RNF43: variants seen among roughly 807,000 people sequenced by gnomAD.
The protein encoded by RNF43 is E3 ubiquitin-protein ligase RNF43.
A neutral mutation model predicts 78.4 loss-of-function variants in RNF43; 37 were observed. The observed-to-expected ratio is 0.47, with a 90% CI of 0.36 to 0.62. RNF43 has a LOEUF of 0.62. RNF43 is among the 20% of genes least tolerant of loss of function. The probability of loss-of-function intolerance (pLI) is 0.00; values close to 1 mark genes in which losing one functional copy is unlikely to be tolerated. For synonymous variants in RNF43, 347 were observed against 395.0 expected, an observed-to-expected ratio of 0.88 and a Z score of 1.44; for missense variants, 774 against 1,007.9, an observed-to-expected ratio of 0.77 and a Z score of 3.14.
At chr17:58,361,062 C>A in intron 6 of RNF43, 118 bp from the exon 7 acceptor site, 1 of 1,078,248 alleles carries the variant, frequency 9.3e-7, no homozygotes. Flanking sequence ...GTTGAACATC[C>A]TTAGGAGTTC....
intron 9 of RNF43, among the ~76,000 whole-genome samples, chr17:58,356,516 T>C (rs934869992): frequency 1.5e-4 from 23 of 152,202 alleles, no homozygotes; most frequent in African/African-American, 5.1e-4. Context: ...GCTTATGATA[T>C]AGGGATGCAC....
chr17:58,357,300 A>G lies in RNF43; in HGVS notation c.2308+168T>C, dbSNP rs1169413753. The G allele has an allele frequency of 3.4e-6, 3 of 880,174 alleles. No homozygotes were observed. The highest frequency in any genetic ancestry group is 2.8e-5 in the South Asian group (2 of 71,648). 54.5% of individuals were successfully genotyped at this position (880,174 alleles called of 1,614,324 possible). A position where few individuals can be genotyped will look rare whatever the true frequency, so the allele number is the denominator to read the frequency against. On this transcript the variant is annotated intron_variant, in intron 9 of 9. Transcript: ENST00000407977. This position sits in a 1 kb window ranked among gnomAD's most constrained non-coding sequence, Gnocchi z 4.5. ...CCTGGCAGAGGTGGGGTGTTCCTGCACTCTAGCCAGCATGATACGCTGTCC... is the reference window on the plus strand; with the variant it reads ...CCTGGCAGAGGTGGGGTGTTCCTGCGCTCTAGCCAGCATGATACGCTGTCC...
chr17:58,375,968 G>C (rs1973196879), intron 2 of RNF43, among the ~76,000 whole-genome samples: 2 of 152,194 alleles, frequency 1.3e-5, no homozygotes, highest in African/African-American at 4.8e-5. Context: ...GTGTCCTGAA[G>C]GCAGAAGGGC....
At position 58,405,535 on chromosome 17, in the gene RNF43, C is replaced by G. The variant is rs192783236; in HGVS notation, c.252+9791G>C. Among the ~76,000 whole-genome samples, 42 of 151,740 alleles carry G rather than the reference C, an allele frequency of 2.8e-4. No homozygotes were observed. In the East Asian group the frequency reaches 7.8e-3, roughly 28 times the overall value. ...AAAAATGAAAATCAGCACTTTAGGC[C>G]AGGAATGGTAGCTCATGCCTGTAAT... On this transcript the variant is annotated intron_variant, in intron 2 of 9. Coordinates refer to ENST00000407977, the MANE Select transcript of RNF43 (RefSeq NM_017763.6).
intron 2 of RNF43, among the ~76,000 whole-genome samples, chr17:58,400,162 G>A (rs761371658): frequency 3.9e-5 from 6 of 152,082 alleles, no homozygotes; most frequent in East Asian, 1.9e-4. Context: ...GTGATTCACC[G>A]TACCACAAGT....
Position 58,393,334 on chromosome 17 carries a change from G to C in RNF43, c.252+21992C>G, listed in dbSNP as rs544078899. 5.9e-5 allele frequency among the ~76,000 whole-genome samples: 9 copies of C among 152,256 alleles called. No individual in the cohort carries two copies. In the South Asian group the frequency reaches 1.9e-3, roughly 32 times the overall value. On this transcript the variant is annotated intron_variant, in intron 2 of 9. Transcript: ENST00000407977. ...AGGCAGGAGAATCACTTGAACACAG[G>C]AGGCAGAGGTTGCACTGAGCCAAGA... is the stretch of plus-strand genomic sequence containing the variant.
chr17:58,401,103 T>C (rs1016288625), intron 2 of RNF43, among the ~76,000 whole-genome samples: 4 of 152,176 alleles, frequency 2.6e-5, no homozygotes, highest in Non-Finnish European at 4.4e-5. Flanking sequence ...TGATCTATTT[T>C]GGGGAGAACA....
intron 2 of RNF43, among the ~76,000 whole-genome samples, chr17:58,405,010 A>T (rs868427099): frequency 6.6e-6 from 1 of 151,408 alleles, no homozygotes; most frequent in South Asian, 2.1e-4. Context: ...GAATATAACA[A>T]CCTGTAATTA....
chr17:58,397,415 C>A (rs1200391033), intron 2 of RNF43, among the ~76,000 whole-genome samples: 1 of 152,194 alleles, frequency 6.6e-6, no homozygotes, highest in Non-Finnish European at 1.5e-5. Flanking sequence ...AATCCCAGCA[C>A]TTTGGGAGGC....
At chr17:58,396,958 T>G (rs1973694260) in intron 2 of RNF43, among the ~76,000 whole-genome samples, 1 of 152,108 alleles carries the variant, frequency 6.6e-6, no homozygotes, top group South Asian at 2.1e-4. Context: ...CCTTCAGAAC[T>G]TGTTGAGTTC....
At chr17:58,371,736 C>T (rs556171402) in intron 2 of RNF43, among the ~76,000 whole-genome samples, 10 of 152,302 alleles carry the variant, frequency 6.6e-5, no homozygotes, top group Middle Eastern at 3.4e-3. Flanking sequence ...GGAATGATGC[C>T]GTGGAGGTGG....
chr17:58,391,352 C>G (rs780395723), intron 2 of RNF43, among the ~76,000 whole-genome samples: 18 of 152,242 alleles, frequency 1.2e-4, no homozygotes, highest in Non-Finnish European at 2.2e-4. Context: ...CCGCCCAACA[C>G]ATTTTTTTCC....
chr17:58,356,979 C>G lies in RNF43; in HGVS notation c.2308+489G>C, dbSNP rs779777797. The G allele has an allele frequency of 8.0e-5, 42 of 526,216 alleles. No individual in the cohort carries two copies. In the Middle Eastern group the frequency reaches 2.1e-3, roughly 26 times the overall value. The allele number at this position is 526,216 out of a possible 1,614,324, so 32.6% of individuals were successfully genotyped here. On this transcript the variant is annotated intron_variant, in intron 9 of 9. Coordinates refer to ENST00000407977, the MANE Select transcript of RNF43 (RefSeq NM_017763.6). ...CGCCATCTTGGCTCACTGCAACTTC[C>G]GCCTCTTAGGTTCACGCGATTCTCC...
rs376083664 is a variant in RNF43, at chr17:58,358,060, T to A, written c.1716A>T (p.Glu572Asp). The A allele has an allele frequency of 1.2e-5, 19 of 1,592,374 alleles. No individual in the cohort carries two copies. The Admixed American group carries it at 3.1e-4, about 26-fold the overall frequency. The change falls in exon 9 of 10, where the codon GAA becomes GAT. Residue 572 changes from glutamate to aspartate, a missense_variant. By Grantham distance (45) the Glu-to-Asp change is conservative. Coordinates refer to ENST00000407977, the MANE Select transcript of RNF43 (RefSeq NM_017763.6). The surrounding 1 kb of genome is among the most constrained non-coding windows in gnomAD (Gnocchi z 6.2). Reference sequence around the variant, plus strand: ...GAGGCCTGGACTGGGGGACTCCGGTTTCTGGGCCAGGCTTCCTGCCATGCC... The same window carrying A: ...GAGGCCTGGACTGGGGGACTCCGGTATCTGGGCCAGGCTTCCTGCCATGCC... Reference protein sequence around the residue: ...FQWHGRKPGPETGVPQSRPPI... With the variant: ...FQWHGRKPGPDTGVPQSRPPI...
chr17:58,375,466 C>G (rs1973187184), intron 2 of RNF43, among the ~76,000 whole-genome samples: 1 of 152,188 alleles, frequency 6.6e-6, no homozygotes, highest in Non-Finnish European at 1.5e-5. Flanking sequence ...TACATTACCC[C>G]ACGGTATTGT....
rs1972770450 is a variant in RNF43 at position 58,358,909 on chromosome 17, A to C, written c.953-86T>G. On this transcript the variant is annotated intron_variant, in intron 8 of 9. Coordinates refer to ENST00000407977, the MANE Select transcript of RNF43 (RefSeq NM_017763.6). The surrounding 1 kb of genome is among the most constrained non-coding windows in gnomAD (Gnocchi z 6.2). ...AGAAAGACATGGCTGTAGCTAATCT[A>C]TTTGACCCTGAGTAGCCTGTGAGCT... is the stretch of plus-strand genomic sequence containing the variant. 2 of 1,350,152 alleles carry C rather than the reference A, an allele frequency of 1.5e-6. No homozygotes were observed. The highest frequency in any genetic ancestry group is 2.9e-5 in the African/African-American group (2 of 67,856). 83.6% of individuals were successfully genotyped at this position (1,350,152 alleles called of 1,614,324 possible).
rs375205991 is a variant in RNF43, at chr17:58,358,032, T to C, written c.1744A>G (p.Ile582Val). 22 of 1,590,160 alleles carry C rather than the reference T, an allele frequency of 1.4e-5. No individual in the cohort carries two copies. In the African/African-American group the frequency reaches 2.7e-4, roughly 20 times the overall value. The part of the protein sequence containing the change: ...ETGVPQSRPP[I>V]PRTQPQPEPP... The stretch of plus-strand genomic sequence containing the variant: ...TCTGGCTGGGGCTGTGTCCGAGGAA[T>C]AGGAGGCCTGGACTGGGGGACTCCG... The change falls in exon 9 of 10, where the codon ATT becomes GTT. Residue 582 changes from isoleucine (I) to valine (V), a missense_variant. Transcript: ENST00000407977. The surrounding 1 kb of genome is among the most constrained non-coding windows in gnomAD (Gnocchi z 6.2).
chr17:58,383,861 A>T (rs1424412951), intron 2 of RNF43, among the ~76,000 whole-genome samples: 1 of 151,606 alleles, frequency 6.6e-6, no homozygotes, highest in Non-Finnish European at 1.5e-5. Context: ...CAAGTGATCT[A>T]CCCGACTTGA....
At chr17:58,372,673 G>A (rs1026902834) in intron 2 of RNF43, among the ~76,000 whole-genome samples, 2 of 152,138 alleles carry the variant, frequency 1.3e-5, no homozygotes, top group Non-Finnish European at 2.9e-5. Flanking sequence ...CAAACACATC[G>A]TGATGTTACA....
Sources: allele counts gnomAD v4.1 joint callset (sites outside exome capture counted in the v4.1 genomes callset), GRCh38; gene constraint gnomAD v4.1.1; non-coding constraint Gnocchi (gnomAD v3.1); transcripts MANE v1.5; gene names NCBI Gene and HGNC (gene_info 2026-07-23, HGNC 2026-07-21).